Variants in CHL1 observed in about 807,000 individuals in gnomAD.
CHL1 encodes the protein neural cell adhesion molecule L1-like protein.
Under a neutral mutation model 141.9 loss-of-function variants are expected in CHL1, and 96 were observed. That is an observed-to-expected ratio of 0.68 (90% CI 0.57 to 0.80). The LOEUF (loss-of-function observed/expected upper bound fraction) is 0.80. Among genes scored for constraint, CHL1 ranks in the 30% least tolerant of loss-of-function variants. The pLI, the probability that CHL1 is intolerant of heterozygous loss-of-function variation, is 0.00. For synonymous variants in CHL1, 613 were observed against 502.2 expected (o/e 1.22, Z -2.95); for missense variants, 1,820 against 1,457.2 (o/e 1.25, Z -4.05).
rs1244583629 is a variant in CHL1 at position 314,323 on chromosome 3, CTATGTGTATATATA to C, written c.-94-5356_-94-5343del. ...ACTCTCTCTCTTTCTCTCTCTCTCTCTATGTGTATATATATATATATATATATATATATATATAT... is the reference window on the plus strand; with the variant it reads ...ACTCTCTCTCTTTCTCTCTCTCTCTCTATATATATATATATATATATATAT... On this transcript the variant is annotated intron_variant, in intron 2 of 27. Transcript: ENST00000256509. 8.7e-3 allele frequency among the ~76,000 whole-genome samples: 522 copies of C among 60,134 alleles called. 11 individuals carry two copies. The highest frequency in any genetic ancestry group is 0.024 in the African/African-American group (374 of 15,292). The allele number at this position is 60,134 out of a possible 152,430, so 39.5% of individuals were successfully genotyped here.
chr3:394,307 G>C (rs1277129275), intron 23 of CHL1, among the ~76,000 whole-genome samples: 4 of 151,962 alleles, frequency 2.6e-5, no homozygotes, highest in Admixed American at 6.6e-5. Flanking sequence ...TAATACTTAA[G>C]TCAAAGATAC....
At chr3:222,392 T>C (rs1700925185) in intron 1 of CHL1, among the ~76,000 whole-genome samples, 1 of 152,128 alleles carries the variant, frequency 6.6e-6, no homozygotes, top group South Asian at 2.1e-4. Context: ...CAATAAGGCA[T>C]GTTAATAAGA....
intron 2 of CHL1, chr3:248,496 C>G (rs982108931): frequency 3.3e-5 from 5 of 151,990 alleles, no homozygotes; most frequent in African/African-American, 1.2e-4. Context: ...AACTGATACA[C>G]AAACGACATA....
At chr3:389,575 A>G (rs1708057313) in intron 20 of CHL1, 101 bp downstream of exon 20, 1 of 862,904 alleles carries the variant, frequency 1.2e-6, no homozygotes, top group East Asian at 2.5e-5. Context: ...ACTGCATGCA[A>G]AGAGGATGTA....
intron 2 of CHL1, among the ~76,000 whole-genome samples, chr3:254,848 G>C (rs1461710848): frequency 6.6e-6 from 1 of 152,116 alleles, no homozygotes; most frequent in African/African-American, 2.4e-5. Context: ...GAGCCCTTCT[G>C]ACCTAATCAC....
intron 14 of CHL1, among the ~76,000 whole-genome samples, chr3:365,105 T>C (rs186417461): frequency 4.5e-4 from 69 of 152,314 alleles, no homozygotes; most frequent in Non-Finnish European, 8.1e-4. Context: ...AAAATGTACA[T>C]AGCCAATATC....
At chr3:383,225 C>T (rs540546523) in intron 18 of CHL1, among the ~76,000 whole-genome samples, 2 of 152,132 alleles carry the variant, frequency 1.3e-5, no homozygotes, top group East Asian at 3.8e-4. Context: ...AAGGTTATAA[C>T]TGGATCAGAT....
chr3:358,314 T>G (rs932669725), intron 11 of CHL1, among the ~76,000 whole-genome samples: 1 of 152,134 alleles, frequency 6.6e-6, no homozygotes, highest in Non-Finnish European at 1.5e-5. Flanking sequence ...CATCCTTCCA[T>G]GGTCACATTT....
intron 3 of CHL1, among the ~76,000 whole-genome samples, chr3:320,113 A>G (rs571157259): frequency 6.6e-6 from 1 of 152,042 alleles, no homozygotes; most frequent in Non-Finnish European, 1.5e-5. Flanking sequence ...CAAGAATAGT[A>G]ACCTATAGAT....
intron 15 of CHL1, among the ~76,000 whole-genome samples, chr3:371,801 G>A (rs528203195): frequency 6.6e-6 from 1 of 152,210 alleles, no homozygotes; most frequent in Admixed American, 6.5e-5. Flanking sequence ...GGCAGGCCTG[G>A]TGGTAATGAA....
chr3:369,026 G>A (rs55974703), intron 15 of CHL1, among the ~76,000 whole-genome samples: 39,461 of 152,030 alleles, frequency 0.26, 5,510 homozygotes, highest in East Asian at 0.44. Flanking sequence ...GTCAGGTAGC[G>A]TGATGCCTCC....
At chr3:382,693 G>T in intron 18 of CHL1, 22 bp downstream of exon 18, 1 of 1,600,492 alleles carries the variant, frequency 6.2e-7, no homozygotes. Flanking sequence ...CTCACATCAG[G>T]TTTCTAACAA....
At chr3:207,122 G>T (rs1034950469) in intron 1 of CHL1, among the ~76,000 whole-genome samples, 3 of 152,196 alleles carry the variant, frequency 2.0e-5, no homozygotes, top group African/African-American at 4.8e-5. Context: ...CAATATATTT[G>T]GGAGTTTTAA....
chr3:402,513 T>C (rs1391619903), intron 27 of CHL1, among the ~76,000 whole-genome samples: 2 of 152,218 alleles, frequency 1.3e-5, no homozygotes, highest in South Asian at 2.1e-4. Flanking sequence ...CCAACAGACA[T>C]ATTGTAAGTT....
intron 2 of CHL1, among the ~76,000 whole-genome samples, chr3:305,004 C>T (rs941984590): frequency 3.9e-5 from 6 of 151,986 alleles, no homozygotes; most frequent in Admixed American, 6.6e-5. Context: ...TATCTGGTCA[C>T]GGATAAACTT....
In CHL1 at chr3:322,648, A is replaced by ATATATATATATATATATATATATAAT. The variant is rs1559252730; in HGVS notation, c.91+2803_91+2804insTAATTATATATATATATATATATATA. Among the ~76,000 whole-genome samples the ATATATATATATATATATATATATAAT allele has an allele frequency of 2.0e-4, 9 of 45,518 alleles. No homozygotes were observed. The African/African-American group carries it at 2.0e-3, about 10-fold the overall frequency. 29.9% of individuals were successfully genotyped at this position (45,518 alleles called of 152,430 possible). A position where few individuals can be genotyped will look rare whatever the true frequency, so the allele number is the denominator to read the frequency against. Reference sequence around the variant, plus strand: ...TCTAAATTATATATATATATAAAATATATATATATATATATATATATAATT... The same window carrying ATATATATATATATATATATATATAAT: ...TCTAAATTATATATATATATAAAATATATATATATATATATATATATATAATTATATATATATATATATATATAATT... On this transcript the variant is annotated intron_variant, in intron 3 of 27. Coordinates refer to ENST00000256509, the MANE Select transcript of CHL1 (RefSeq NM_006614.4).
At chr3:249,472 T>C (rs1258236091) in intron 2 of CHL1, among the ~76,000 whole-genome samples, 1 of 152,148 alleles carries the variant, frequency 6.6e-6, no homozygotes, top group Non-Finnish European at 1.5e-5. Flanking sequence ...TCTACCTTTC[T>C]TAAGGATAGC....
At chr3:345,671 G>C (rs1431600838) in intron 9 of CHL1, among the ~76,000 whole-genome samples, 1 of 151,938 alleles carries the variant, frequency 6.6e-6, no homozygotes, top group Non-Finnish European at 1.5e-5. Flanking sequence ...TTTTAGTAGA[G>C]ACAGGGTTTC....
rs1489822533 is a variant in CHL1 at position 258,936 on chromosome 3, T to G, written c.-95+14244T>G. Among the ~76,000 whole-genome samples the G allele has an allele frequency of 5.2e-3, 657 of 127,294 alleles. 6 individuals are homozygous for G. Among genetic ancestry groups the G allele is most frequent in the African/African-American group, 0.027 (641 of 23,630 alleles). The allele number at this position is 127,294 out of a possible 152,430, so 83.5% of individuals were successfully genotyped here. On this transcript the variant is annotated intron_variant, in intron 2 of 27. Transcript: ENST00000256509. ...TTATTTTAAACGTATGGCAACATCT[T>G]TTTTTTTTTTTTTTTCTGAGACATT...
Sources: allele counts gnomAD v4.1 joint callset (sites outside exome capture counted in the v4.1 genomes callset), GRCh38; gene constraint gnomAD v4.1.1; transcripts MANE v1.5; gene names NCBI Gene and HGNC (gene_info 2026-07-23, HGNC 2026-07-21).